The following LSAMP variants were observed in gnomAD, a reference collection of about 807,000 sequenced individuals.
LSAMP encodes the protein limbic system associated membrane protein.
Under a neutral mutation model 38.6 loss-of-function variants are expected in LSAMP, and 7 were observed. That is an observed-to-expected ratio of 0.18 (90% CI 0.10 to 0.34). LSAMP has a LOEUF of 0.34. Ranked by LOEUF, LSAMP falls within the 10% of genes least tolerant of loss-of-function variation. The probability of loss-of-function intolerance (pLI) is 1.00; values close to 1 mark genes in which losing one functional copy is unlikely to be tolerated. For missense variants in LSAMP, 313 were observed against 420.0 expected (o/e 0.75, Z 2.23); for synonymous variants, 154 against 166.8 (o/e 0.92, Z 0.59).
chr3:116,394,852 C>T (rs2048747700), intron 1 of LSAMP, among the ~76,000 whole-genome samples: 1 of 152,092 alleles, frequency 6.6e-6, no homozygotes, highest in South Asian at 2.1e-4. Flanking sequence ...TTCATCTTTC[C>T]TTGATTATTA....
intron 1 of LSAMP, among the ~76,000 whole-genome samples, chr3:116,397,437 C>A (rs1282721022): frequency 6.8e-6 from 1 of 146,694 alleles, no homozygotes; most frequent in Non-Finnish European, 1.5e-5. Context: ...AAACCATATC[C>A]CTTTTCACTT....
intron 3 of LSAMP, among the ~76,000 whole-genome samples, chr3:115,859,974 A>C (rs190590393): frequency 6.6e-5 from 10 of 152,298 alleles, no homozygotes; most frequent in Admixed American, 3.3e-4. Context: ...CCCTATATTT[A>C]GTTCTCTGAA....
At chr3:116,437,580 AGAG>A (rs1251520454) in intron 1 of LSAMP, among the ~76,000 whole-genome samples, 1 of 151,388 alleles carries the variant, frequency 6.6e-6, no homozygotes, top group African/African-American at 2.4e-5. Flanking sequence ...TACAGGGAGA[AGAG>A]AGAGGGAAAA....
intron 6 of LSAMP, among the ~76,000 whole-genome samples, chr3:115,822,737 G>A (rs1934286725): frequency 6.6e-6 from 1 of 152,152 alleles, no homozygotes; most frequent in Admixed American, 6.5e-5. Flanking sequence ...AGAAAACTAA[G>A]CAATCTTAGC....
chr3:116,303,545 T>A (rs1281703413), intron 1 of LSAMP, among the ~76,000 whole-genome samples: 1 of 152,186 alleles, frequency 6.6e-6, no homozygotes, highest in South Asian at 2.1e-4. Context: ...AAATGCTATT[T>A]TGACTCTCCT....
At chr3:115,992,096 A>T (rs1389264957) in intron 3 of LSAMP, among the ~76,000 whole-genome samples, 2 of 152,076 alleles carry the variant, frequency 1.3e-5, no homozygotes, top group Non-Finnish European at 2.9e-5. Flanking sequence ...TGAGAAGAAA[A>T]TGTGCAGCAC....
At chr3:115,860,602 C>G (rs1935646548) in intron 3 of LSAMP, among the ~76,000 whole-genome samples, 1 of 152,086 alleles carries the variant, frequency 6.6e-6, no homozygotes, top group Non-Finnish European at 1.5e-5. Context: ...ATCAAATGAA[C>G]CAATAAATGA....
Position 116,092,450 on chromosome 3 carries a change from G to A in LSAMP, c.156-5894C>T, listed in dbSNP as rs73858535. Among the ~76,000 whole-genome samples the A allele has an allele frequency of 3.4e-3, 518 of 152,146 alleles. 5 individuals are homozygous for A. The highest frequency in any genetic ancestry group is 0.012 in the African/African-American group (482 of 41,534). ...AATAAGTGATTAGGAGGTTGCTCACGTTAATCATGAACCCTCAAATATTAG... is the reference window on the plus strand; with the variant it reads ...AATAAGTGATTAGGAGGTTGCTCACATTAATCATGAACCCTCAAATATTAG... On this transcript the variant is annotated intron_variant, in intron 1 of 6. Coordinates refer to ENST00000490035, the MANE Select transcript of LSAMP (RefSeq NM_002338.5).
At chr3:116,209,071 C>T (rs951387794) in intron 1 of LSAMP, among the ~76,000 whole-genome samples, 1 of 152,238 alleles carries the variant, frequency 6.6e-6, no homozygotes, top group Admixed American at 6.5e-5. Context: ...GGGTAGGACC[C>T]TCTGAGCCAG....
intron 1 of LSAMP, among the ~76,000 whole-genome samples, chr3:116,427,160 C>T (rs1312714238): frequency 7.0e-6 from 1 of 141,956 alleles, no homozygotes; most frequent in Non-Finnish European, 1.5e-5. Context: ...GTCGCCCAGG[C>T]CGGACTGCGG....
intron 1 of LSAMP, among the ~76,000 whole-genome samples, chr3:116,212,657 T>C (rs2046173492): frequency 6.6e-6 from 1 of 152,180 alleles, no homozygotes; most frequent in Admixed American, 6.5e-5. Flanking sequence ...AACATGTAAC[T>C]AATGTAGGAA....
intron 3 of LSAMP, among the ~76,000 whole-genome samples, chr3:115,969,186 C>CG (rs1938928622): frequency 6.6e-6 from 1 of 151,894 alleles, no homozygotes; most frequent in Non-Finnish European, 1.5e-5. Context: ...AAGGTGCTTT[C>CG]ATGTGTGGAT....
chr3:116,383,727 T>G (rs1281975900), intron 1 of LSAMP, among the ~76,000 whole-genome samples: 4 of 151,430 alleles, frequency 2.6e-5, no homozygotes, highest in Admixed American at 2.6e-4. Flanking sequence ...TGAGGAGAAA[T>G]AGAAAAGTAG....
chr3:116,236,003 G>T (rs932954507), intron 1 of LSAMP, among the ~76,000 whole-genome samples: 1 of 152,030 alleles, frequency 6.6e-6, no homozygotes, highest in African/African-American at 2.4e-5. Context: ...AATTTATTTG[G>T]TGCCTTTTAT....
At chr3:116,016,815 A>AT (rs1001792272) in intron 3 of LSAMP, among the ~76,000 whole-genome samples, 5 of 152,096 alleles carry the variant, frequency 3.3e-5, no homozygotes, top group Non-Finnish European at 4.4e-5. Context: ...AATTATTTTG[A>AT]TTTTTTTCCC....
intron 1 of LSAMP, among the ~76,000 whole-genome samples, chr3:116,088,746 T>C (rs1308477703): frequency 2.6e-5 from 4 of 152,198 alleles, no homozygotes; most frequent in East Asian, 3.8e-4. Flanking sequence ...TAGCACCAAA[T>C]ATGGCTCCAA....
chr3:115,955,378 T>G (rs1394750705), intron 3 of LSAMP, among the ~76,000 whole-genome samples: 2 of 152,320 alleles, frequency 1.3e-5, no homozygotes, highest in Non-Finnish European at 2.9e-5. Flanking sequence ...TCCTGATAGT[T>G]TCTTTACTAA....
At chr3:116,227,571 T>G (rs2046356132) in intron 1 of LSAMP, among the ~76,000 whole-genome samples, 1 of 152,164 alleles carries the variant, frequency 6.6e-6, no homozygotes, top group Non-Finnish European at 1.5e-5. Context: ...GTCAACCTAT[T>G]TTTTCTCTCA....
chr3:115,838,940 C>T (rs1057470448), intron 6 of LSAMP, among the ~76,000 whole-genome samples: 13 of 152,180 alleles, frequency 8.5e-5, no homozygotes, highest in African/African-American at 2.9e-4. Flanking sequence ...GGGTCTCTAC[C>T]TGCTGCTGCC....
Sources: gnomAD v4.1 joint callset for allele counts (sites outside exome capture counted in the v4.1 genomes callset) on GRCh38, gnomAD v4.1.1 for gene constraint, MANE v1.5 for transcripts, NCBI Gene and HGNC (gene_info 2026-07-23, HGNC 2026-07-21) for gene names.